CTNNA3: variants seen among roughly 807,000 people sequenced by gnomAD.
The protein encoded by CTNNA3 is catenin alpha 3, also known as catenin alpha-3.
A neutral mutation model predicts 95.7 loss-of-function variants in CTNNA3; 76 were observed. The observed-to-expected ratio is 0.79, with a 90% CI of 0.66 to 0.96. The LOEUF is 0.96. CTNNA3 is among the 40% of genes least tolerant of loss of function. The pLI is 0.00. For synonymous variants in CTNNA3, 431 were observed against 374.4 expected, an observed-to-expected ratio of 1.15 and a Z score of -1.74; for missense variants, 1,191 against 1,089.8, an observed-to-expected ratio of 1.09 and a Z score of -1.31.
At chr10:66,809,047 T>C (rs1841771866) in intron 7 of CTNNA3, among the ~76,000 whole-genome samples, 1 of 152,220 alleles carries the variant, frequency 6.6e-6, no homozygotes, top group South Asian at 2.1e-4. Context: ...ATGTATTATA[T>C]GAAGACTCTC....
At chr10:66,716,464 T>A (rs1848453318) in intron 9 of CTNNA3, among the ~76,000 whole-genome samples, 1 of 152,156 alleles carries the variant, frequency 6.6e-6, no homozygotes, top group Non-Finnish European at 1.5e-5. Context: ...GTTCATGGCA[T>A]TTGAGCTTTG....
chr10:67,272,626 T>C (rs1839029547), intron 5 of CTNNA3, among the ~76,000 whole-genome samples: 1 of 152,184 alleles, frequency 6.6e-6, no homozygotes, highest in Non-Finnish European at 1.5e-5. Context: ...TATTAATTCA[T>C]TGTTGTGGAA....
chr10:66,032,240 A>T (rs1417505323), intron 15 of CTNNA3, among the ~76,000 whole-genome samples: 1 of 152,190 alleles, frequency 6.6e-6, no homozygotes, highest in African/African-American at 2.4e-5. Flanking sequence ...TAAATGGCTT[A>T]GAGAATGCTT....
At chr10:65,967,378 T>C (rs948100021) in intron 16 of CTNNA3, among the ~76,000 whole-genome samples, 12 of 152,218 alleles carry the variant, frequency 7.9e-5, no homozygotes, top group African/African-American at 2.7e-4. Flanking sequence ...ATTTAAAATG[T>C]AATTATTTCT....
At chr10:66,639,884 G>A (rs1455615373) in intron 9 of CTNNA3, among the ~76,000 whole-genome samples, 1 of 151,824 alleles carries the variant, frequency 6.6e-6, no homozygotes, top group Admixed American at 6.6e-5. Context: ...CATTACTGTA[G>A]TCATTTTAAA....
At chr10:67,183,563 T>C (rs1437221086) in intron 6 of CTNNA3, among the ~76,000 whole-genome samples, 2 of 151,824 alleles carry the variant, frequency 1.3e-5, no homozygotes, top group East Asian at 1.9e-4. Flanking sequence ...GGGGGAGGGA[T>C]AGCATTAGGA....
intron 9 of CTNNA3, among the ~76,000 whole-genome samples, chr10:66,688,015 GT>G (rs1847366318): frequency 1.3e-5 from 2 of 151,966 alleles, no homozygotes; most frequent in Admixed American, 1.3e-4. Context: ...ATGAGAAGCT[GT>G]TTTGAGGGTA....
At chr10:66,306,561 T>A (rs759219405) in intron 12 of CTNNA3, among the ~76,000 whole-genome samples, 6 of 152,198 alleles carry the variant, frequency 3.9e-5, no homozygotes, top group Admixed American at 3.9e-4. Flanking sequence ...TGCCTGATAC[T>A]GCCTCCACTT....
intron 10 of CTNNA3, among the ~76,000 whole-genome samples, chr10:66,562,005 G>A (rs1379547202): frequency 6.6e-6 from 1 of 151,990 alleles, no homozygotes; most frequent in Non-Finnish European, 1.5e-5. Context: ...AAGATAACAG[G>A]TGAGAGGTAA....
intron 9 of CTNNA3, among the ~76,000 whole-genome samples, chr10:66,663,064 T>C (rs1175974144): frequency 1.3e-5 from 2 of 151,970 alleles, no homozygotes. Flanking sequence ...AATGGCACAT[T>C]CTTCGTCCTC....
Position 67,208,482 on chromosome 10 carries a change from G to A in CTNNA3, c.843+11125C>T, listed in dbSNP as rs118066260. Among the ~76,000 whole-genome samples, 170 of 151,790 alleles carry A rather than the reference G, an allele frequency of 1.1e-3. 2 individuals are homozygous for A. The highest frequency in any genetic ancestry group is 8.7e-3 in the Admixed American group (132 of 15,228). On this transcript the variant is annotated intron_variant, in intron 6 of 17. Coordinates refer to ENST00000433211, the MANE Select transcript of CTNNA3 (RefSeq NM_013266.4). The stretch of plus-strand genomic sequence containing the variant: ...CTAGACAGTTGAAGACTTAAAGAGC[G>A]GAATGAAAATAGCTAACATCAAAAT...
At chr10:66,937,355 T>C (rs1052416617) in intron 7 of CTNNA3, among the ~76,000 whole-genome samples, 1 of 152,170 alleles carries the variant, frequency 6.6e-6, no homozygotes, top group Non-Finnish European at 1.5e-5. Context: ...TCATATATAA[T>C]CTAATACTCA....
intron 17 of CTNNA3, among the ~76,000 whole-genome samples, chr10:65,963,755 G>T (rs1039707240): frequency 2.0e-5 from 3 of 152,234 alleles, no homozygotes; most frequent in African/African-American, 7.2e-5. Flanking sequence ...CATATATTTT[G>T]TCTCTATACA....
chr10:67,078,391 AAGAAAATGAT>A lies in CTNNA3; in HGVS notation c.1047+101916_1047+101925del, dbSNP rs1233598549. 3.9e-5 allele frequency among the ~76,000 whole-genome samples: 6 copies of A among 152,326 alleles called. No individual in the cohort carries two copies. The South Asian group carries it at 1.2e-3, about 32-fold the overall frequency. ...ATATTTGTTCTGTAAGGAAATGAGAAAGAAAATGATCAGAAAGAAAAATATTTGAGAGAGG... is the reference window on the plus strand; with the variant it reads ...ATATTTGTTCTGTAAGGAAATGAGAACAGAAAGAAAAATATTTGAGAGAGG... On this transcript the variant is annotated intron_variant, in intron 7 of 17. Coordinates refer to ENST00000433211, the MANE Select transcript of CTNNA3 (RefSeq NM_013266.4).
chr10:67,289,412 AT>A (rs1271563756), intron 5 of CTNNA3, among the ~76,000 whole-genome samples: 3 of 152,174 alleles, frequency 2.0e-5, no homozygotes, highest in Non-Finnish European at 4.4e-5. Flanking sequence ...AAGAGGTATC[AT>A]TTTTGCTCTT....
chr10:67,358,996 C>CCTTA (rs1842910765), intron 5 of CTNNA3, among the ~76,000 whole-genome samples: 1 of 151,906 alleles, frequency 6.6e-6, no homozygotes, highest in Non-Finnish European at 1.5e-5. Context: ...ATCTGCTAGC[C>CCTTA]CTTACTCTTA....
At chr10:67,726,449 A>ATATAATG (rs1841222134) in intron 1 of CTNNA3, among the ~76,000 whole-genome samples, 1 of 72,964 alleles carries the variant, frequency 1.4e-5, no homozygotes, top group East Asian at 5.1e-4. Flanking sequence ...AATATATAAT[A>ATATAATG]TTATATATGA....
chr10:66,849,786 G>A (rs1350090038), intron 7 of CTNNA3, among the ~76,000 whole-genome samples: 1 of 152,104 alleles, frequency 6.6e-6, no homozygotes, highest in Non-Finnish European at 1.5e-5. Context: ...CAAACTCAGA[G>A]GAAAAGATAG....
At chr10:66,454,836 G>A (rs1280929160) in intron 11 of CTNNA3, among the ~76,000 whole-genome samples, 2 of 141,006 alleles carry the variant, frequency 1.4e-5, no homozygotes, top group Non-Finnish European at 3.0e-5. Flanking sequence ...GGGGGAGGAG[G>A]GGAAGAAAGG....
Sources: gnomAD v4.1 joint callset for allele counts (sites outside exome capture counted in the v4.1 genomes callset) on GRCh38, gnomAD v4.1.1 for gene constraint, MANE v1.5 for transcripts, NCBI Gene and HGNC (gene_info 2026-07-23, HGNC 2026-07-21) for gene names.